The following RALGAPB variants were observed in gnomAD, a reference collection of about 807,000 sequenced individuals.
RALGAPB encodes the protein Ral GTPase activating protein non-catalytic subunit beta, also known as ral GTPase-activating protein subunit beta.
RALGAPB carries 25 observed loss-of-function variants against 161.1 expected under a neutral mutation model. The observed-to-expected ratio is 0.16, with a 90% confidence interval of 0.11 to 0.22. The LOEUF is 0.22. Ranked by LOEUF, RALGAPB falls within the 10% of genes least tolerant of loss-of-function variation. The pLI is 1.00. For missense variants in RALGAPB, 1,391 were observed against 1,815.2 expected (o/e 0.77, Z 4.25); for synonymous variants, 629 against 626.1 (o/e 1.00, Z -0.07).
At chr20:38,533,103 C>T (rs1470816002) in intron 15 of RALGAPB, among the ~76,000 whole-genome samples, 1 of 152,034 alleles carries the variant, frequency 6.6e-6, no homozygotes, top group African/African-American at 2.4e-5. Context: ...AATGGGTGAT[C>T]AGTAAACATT....
Position 38,532,662 on chromosome 20 carries a change from T to C in RALGAPB, c.2116-68T>C, listed in dbSNP as rs2086689385. On this transcript the variant is annotated intron_variant, in intron 14 of 29. Transcript: ENST00000262879. ...TCTGCTTTATCAACATGGTTTTTAA[T>C]GATTGACCTTTATTTATGCTTGTAA... 10 of 1,562,428 alleles carry C rather than the reference T, an allele frequency of 6.4e-6. No homozygotes were observed. The South Asian group carries it at 1.0e-4, about 16-fold the overall frequency.
At chr20:38,496,695 T>G (rs1323535867) in intron 3 of RALGAPB, among the ~76,000 whole-genome samples, 3 of 152,354 alleles carry the variant, frequency 2.0e-5, no homozygotes, top group Non-Finnish European at 2.9e-5. Context: ...GCGGTGAGTT[T>G]TAAAACTGTT....
rs180697438 is a variant in RALGAPB at position 38,493,860 on chromosome 20, G to A, written c.389+728G>A. On this transcript the variant is annotated intron_variant, in intron 3 of 29. Transcript: ENST00000262879. The stretch of plus-strand genomic sequence containing the variant: ...GCATACCATGCATGAAATGCCTGGT[G>A]TAGTCTGGCCCCTAACTAGACTAGC... 1.7e-4 allele frequency among the ~76,000 whole-genome samples: 26 copies of A among 152,340 alleles called. No homozygotes were observed. In the East Asian group the frequency reaches 4.2e-3, roughly 25 times the overall value.
intron 15 of RALGAPB, among the ~76,000 whole-genome samples, chr20:38,533,165 C>G (rs77250589): frequency 6.6e-6 from 1 of 152,062 alleles, no homozygotes; most frequent in Non-Finnish European, 1.5e-5. Flanking sequence ...GATGTGGACT[C>G]TGCCTCAGAG....
intron 5 of RALGAPB, among the ~76,000 whole-genome samples, chr20:38,501,389 AT>A (rs1304927355): frequency 6.6e-6 from 1 of 152,200 alleles, no homozygotes; most frequent in Non-Finnish European, 1.5e-5. Context: ...AGGTGGGCAG[AT>A]TAGTTGAGCT....
chr20:38,510,037 A>G (rs1016885434), intron 6 of RALGAPB, among the ~76,000 whole-genome samples: 3 of 151,928 alleles, frequency 2.0e-5, no homozygotes, highest in Non-Finnish European at 4.4e-5. Flanking sequence ...ATAGTCACCT[A>G]TGATTTCTTC....
chr20:38,477,517 C>G (rs902540419), intron 1 of RALGAPB, among the ~76,000 whole-genome samples: 11 of 152,086 alleles, frequency 7.2e-5, no homozygotes, highest in Admixed American at 4.6e-4. Flanking sequence ...TGAATACCTT[C>G]CTTTTTTGCC....
chr20:38,549,545 A>ATATATATAT (rs1338350565), intron 20 of RALGAPB, among the ~76,000 whole-genome samples: 10 of 121,950 alleles, frequency 8.2e-5, no homozygotes, highest in African/African-American at 2.8e-4. Flanking sequence ...AAAAAAAAAA[A>ATATATATAT]AAAAATATAT....
In RALGAPB at chr20:38,517,997, A is replaced by G; in HGVS notation, c.1414A>G (p.Thr472Ala). The G allele has an allele frequency of 6.3e-7, 1 of 1,599,224 alleles. No homozygotes were observed. The highest frequency in any genetic ancestry group is 8.6e-7 in the Non-Finnish European group (1 of 1,166,388). ...HNGINRDSSM[T>A]AITTQASMEF... ...TGGGATAAACAGAGACAGCAGCATGACTGGTAAATATTACTCAAGAAATAT... is the reference window on the plus strand; with the variant it reads ...TGGGATAAACAGAGACAGCAGCATGGCTGGTAAATATTACTCAAGAAATAT... Residue 472 changes from threonine to alanine, a missense_variant, in exon 9 of 30, where the codon ACT becomes GCT. By Grantham distance (58) the Thr-to-Ala change is moderately conservative. Around this residue, in one of 3 missense-constraint regions of RALGAPB, gnomAD observed 946 missense variants for 1,257.2 expected, o/e 0.75. Transcript: ENST00000262879.
Position 38,499,470 on chromosome 20 carries a change from G to C in RALGAPB, c.577G>C (p.Glu193Gln). The C allele has an allele frequency of 6.2e-7, 1 of 1,609,250 alleles. No homozygotes were observed. Among genetic ancestry groups the C allele is most frequent in the Non-Finnish European group, 8.5e-7 (1 of 1,177,910 alleles). Residue 193 changes from glutamate (E) to glutamine (Q), a missense_variant, in exon 5 of 30, where the codon GAG becomes CAG. By Grantham distance (29) the Glu-to-Gln change is conservative (BLOSUM62 2). Around this residue, in one of 3 missense-constraint regions of RALGAPB, gnomAD observed 946 missense variants for 1,257.2 expected, o/e 0.75. Coordinates refer to ENST00000262879, the MANE Select transcript of RALGAPB (RefSeq NM_020336.4). Reference sequence around the variant, plus strand: ...AGGTGGCATTGCTGAGAATCTAGCAGAGAAGTTGATTGGTGTTCTCTTTGA... The same window carrying C: ...AGGTGGCATTGCTGAGAATCTAGCACAGAAGTTGATTGGTGTTCTCTTTGA... Reference protein sequence around the residue: ...VQGGIAENLAEKLIGVLFEVW... With the variant: ...VQGGIAENLAQKLIGVLFEVW...
intron 6 of RALGAPB, among the ~76,000 whole-genome samples, chr20:38,513,663 T>A (rs959236787): frequency 1.3e-5 from 2 of 150,926 alleles, no homozygotes; most frequent in South Asian, 2.1e-4. Context: ...AAAAAAAAAA[T>A]TAAATTAAAA....
chr20:38,506,444 C>T (rs1389528446), intron 5 of RALGAPB, among the ~76,000 whole-genome samples: 3 of 152,092 alleles, frequency 2.0e-5, no homozygotes, highest in Non-Finnish European at 4.4e-5. Context: ...CAGGCGTGCA[C>T]CACCATGCTT....
intron 9 of RALGAPB, among the ~76,000 whole-genome samples, chr20:38,520,003 T>C (rs1276434356): frequency 6.6e-6 from 1 of 152,234 alleles, no homozygotes; most frequent in East Asian, 1.9e-4. Context: ...CTCAGTTCTT[T>C]GTAGTTGTGT....
At chr20:38,525,776 G>A in intron 12 of RALGAPB, 119 bp from the exon 13 acceptor site, 1 of 1,050,094 alleles carries the variant, frequency 9.5e-7, no homozygotes, top group Non-Finnish European at 1.4e-6. Context: ...CAGCACAGTG[G>A]CTAATATTAG....
chr20:38,509,673 G>A (rs1215396790), intron 6 of RALGAPB, among the ~76,000 whole-genome samples: 1 of 152,148 alleles, frequency 6.6e-6, no homozygotes, highest in African/African-American at 2.4e-5. Flanking sequence ...ACTTCCTGCT[G>A]TCCCTGTCTT....
intron 5 of RALGAPB, among the ~76,000 whole-genome samples, chr20:38,508,163 A>T (rs1322836402): frequency 2.0e-5 from 3 of 151,752 alleles, no homozygotes; most frequent in Admixed American, 2.0e-4. Flanking sequence ...TTTATAAGTA[A>T]TATGCAATGT....
At chr20:38,554,521 T>TA (rs1465646410) in intron 22 of RALGAPB, among the ~76,000 whole-genome samples, 5 of 152,244 alleles carry the variant, frequency 3.3e-5, no homozygotes, top group Non-Finnish European at 7.3e-5. Flanking sequence ...AAGCACTTCT[T>TA]ATGTTGTCCA....
In RALGAPB at chr20:38,535,190, C is replaced by G. The variant is rs773196644; in HGVS notation, c.2362C>G (p.Leu788Val). The G allele has an allele frequency of 1.9e-6, 3 of 1,614,206 alleles. No individual in the cohort carries two copies. In the South Asian group the frequency reaches 3.3e-5, roughly 18 times the overall value. Reference sequence around the variant, plus strand: ...CATATCACTGGCAGCTCTAGAGCTCCTCTCTGGCCTTGCAAAGGTGAGGAA... The same window carrying G: ...CATATCACTGGCAGCTCTAGAGCTCGTCTCTGGCCTTGCAAAGGTGAGGAA... ...MSISLAALEL[L>V]SGLAKVKVMV... Residue 788 changes from leucine (L) to valine (V), a missense_variant, in exon 16 of 30, where the codon CTC becomes GTC. Leu to Val is a conservative substitution (Grantham distance 32). This residue lies in a region of RALGAPB where 946 missense variants were observed against 1,257.2 expected (regional missense o/e 0.75). Coordinates refer to ENST00000262879, the MANE Select transcript of RALGAPB (RefSeq NM_020336.4).
At chr20:38,526,370 T>TCTCTTCCTCCCGCCTCGTC (rs1267296083) in intron 13 of RALGAPB, among the ~76,000 whole-genome samples, 3 of 151,948 alleles carry the variant, frequency 2.0e-5, no homozygotes, top group African/African-American at 2.4e-5. Context: ...CCTGCCTCTT[T>TCTCTTCCTCCCGCCTCGTC]CTCTTCCTCC....
Sources: gnomAD v4.1 joint callset for allele counts (sites outside exome capture counted in the v4.1 genomes callset) on GRCh38, gnomAD v4.1.1 for gene constraint, gnomAD v4.1.1 regional missense constraint, MANE v1.5 for transcripts, NCBI Gene and HGNC (gene_info 2026-07-23, HGNC 2026-07-21) for gene names.